ATP11B: variants seen among roughly 807,000 people sequenced by gnomAD.
ATP11B encodes ATPase phospholipid transporting 11B (putative), also known as phospholipid-transporting ATPase IF.
ATP11B carries 81 observed loss-of-function variants against 157.8 expected under a neutral mutation model. That is an observed-to-expected ratio of 0.51 (90% CI 0.43 to 0.62). The LOEUF (loss-of-function observed/expected upper bound fraction) is 0.62. Among genes scored for constraint, ATP11B ranks in the 20% least tolerant of loss-of-function variants. ATP11B has a pLI of 0.00. For missense variants in ATP11B, 1,165 were observed against 1,402.2 expected, an observed-to-expected ratio of 0.83 and a Z score of 2.70; for synonymous variants, 451 against 469.4, an observed-to-expected ratio of 0.96 and a Z score of 0.51.
At chr3:182,799,217 T>G (rs1576940274) in intron 1 of ATP11B, among the ~76,000 whole-genome samples, 1 of 152,238 alleles carries the variant, frequency 6.6e-6, no homozygotes, top group African/African-American at 2.4e-5. Flanking sequence ...GTTCTAGATT[T>G]AGCCATGCTG....
chr3:182,896,479 GATA>G (rs1332377931), intron 25 of ATP11B, among the ~76,000 whole-genome samples: 2 of 152,166 alleles, frequency 1.3e-5, no homozygotes, highest in Admixed American at 6.5e-5. Context: ...GTTCCAGTCT[GATA>G]ATGATATCTA....
At chr3:182,848,646 A>G (rs934508960) in intron 10 of ATP11B, 89 bp downstream of exon 10, 9 of 522,072 alleles carry the variant, frequency 1.7e-5, no homozygotes, top group Non-Finnish European at 2.2e-5. Context: ...TATAATATAT[A>G]TTAAGTAAAC....
At chr3:182,845,009 T>TTTTTTTTTTTTTTTTA (rs1560081876) in intron 8 of ATP11B, among the ~76,000 whole-genome samples, 44 of 112,084 alleles carry the variant, frequency 3.9e-4, no homozygotes, top group Non-Finnish European at 6.8e-4. Flanking sequence ...TTTTTTTATT[T>TTTTTTTTTTTTTTTTA]TTTTTTATTT....
In ATP11B at chr3:182,919,749, C is replaced by CTAT. The variant is rs1199628137; in HGVS notation, c.*1650_*1652dup. On this transcript the variant is annotated 3_prime_UTR_variant, in exon 30 of 30. Coordinates refer to ENST00000323116, the MANE Select transcript of ATP11B (RefSeq NM_014616.3). Reference sequence around the variant, plus strand: ...GACTTTATCCTTGTTTGCTTGTAAACTATTATTTTCTTGCTAATGTAACAT... The same window carrying CTAT: ...GACTTTATCCTTGTTTGCTTGTAAACTATTATTATTTTCTTGCTAATGTAACAT... 9.9e-5 allele frequency: 15 copies of CTAT among 152,240 alleles called. No homozygotes were observed. Among genetic ancestry groups the CTAT allele is most frequent in the African/African-American group, 3.4e-4 (14 of 41,548 alleles). The allele number at this position is 152,240 out of a possible 1,614,324, so 9.4% of individuals were successfully genotyped here.
intron 1 of ATP11B, among the ~76,000 whole-genome samples, chr3:182,819,220 C>T (rs1014422732): frequency 4.6e-5 from 7 of 151,904 alleles, no homozygotes; most frequent in Admixed American, 4.6e-4. Flanking sequence ...AGGCGCCCGC[C>T]ACCACGCCCG....
In ATP11B at chr3:182,872,383, T is replaced by C. The variant is rs1343807723; in HGVS notation, c.1894T>C (p.Tyr632His). The C allele has an allele frequency of 6.2e-7, 1 of 1,612,468 alleles. No individual in the cohort carries two copies. The highest frequency in any genetic ancestry group is 1.7e-5 in the Admixed American group (1 of 59,760). The change falls in exon 18 of 30, where the codon TAT becomes CAT. Residue 632 changes from tyrosine (Y) to histidine (H), a missense_variant. Coordinates refer to ENST00000323116, the MANE Select transcript of ATP11B (RefSeq NM_014616.3). The stretch of plus-strand genomic sequence containing the variant: ...AGGGCTAAGAACTCTGTGTATAGCA[T>C]ATAGAAAATTTACATCAAAAGAGTA... The part of the protein sequence containing the change: ...LKGLRTLCIA[Y>H]RKFTSKEYEE...
chr3:182,917,164 C>T lies in ATP11B; in HGVS notation c.3453-859C>T. The T allele has an allele frequency of 6.1e-6, 6 of 985,266 alleles. No individual in the cohort carries two copies. The South Asian group carries it at 2.8e-4, about 46-fold the overall frequency. The allele number at this position is 985,266 out of a possible 1,614,324, so 61.0% of individuals were successfully genotyped here. A position where few individuals can be genotyped will look rare whatever the true frequency, so the allele number is the denominator to read the frequency against. On this transcript the variant is annotated intron_variant, in intron 29 of 29. Coordinates refer to ENST00000323116, the MANE Select transcript of ATP11B (RefSeq NM_014616.3). ...GGGCCTTTTTTAACGCTCATCTCTT[C>T]CTGTAACATCTCTGTTTAGGGAAGG...
At position 182,921,409 on chromosome 3, in the gene ATP11B, T is replaced by A. The variant is rs903766220; in HGVS notation, c.*3305T>A. The A allele has an allele frequency of 2.0e-5, 3 of 152,210 alleles. No individual in the cohort carries two copies. Among genetic ancestry groups the A allele is most frequent in the Non-Finnish European group, 4.4e-5 (3 of 68,040 alleles). 9.4% of individuals were successfully genotyped at this position (152,210 alleles called of 1,614,324 possible). ...AAATAGATCATAACTCATGATATGT[T>A]TGTAATCATGGTAATTTAGATTTTT... On this transcript the variant is annotated 3_prime_UTR_variant, in exon 30 of 30. Coordinates refer to ENST00000323116, the MANE Select transcript of ATP11B (RefSeq NM_014616.3).
chr3:182,892,240 C>T (rs541028210), intron 25 of ATP11B, among the ~76,000 whole-genome samples: 2 of 152,270 alleles, frequency 1.3e-5, no homozygotes, highest in Non-Finnish European at 2.9e-5. Context: ...CAGTTGAGCC[C>T]ACAGACGCCT....
intron 2 of ATP11B, among the ~76,000 whole-genome samples, chr3:182,822,473 T>G (rs1717426921): frequency 6.6e-6 from 1 of 152,240 alleles, no homozygotes; most frequent in Admixed American, 6.5e-5. Flanking sequence ...CTGCATAGTA[T>G]TCCATGGTGT....
intron 6 of ATP11B, chr3:182,836,740 T>G: frequency 2.1e-6 from 1 of 487,428 alleles, no homozygotes; most frequent in East Asian, 3.2e-5. Context: ...TTTTAAAAGA[T>G]AAGGGACAAA....
intron 1 of ATP11B, among the ~76,000 whole-genome samples, chr3:182,794,632 G>C (rs145776563): frequency 6.6e-6 from 1 of 152,124 alleles, no homozygotes; most frequent in Non-Finnish European, 1.5e-5. Context: ...GTCATTTAAG[G>C]CCTATAAAAA....
chr3:182,834,515 C>T (rs1356885139), intron 4 of ATP11B, among the ~76,000 whole-genome samples: 1 of 152,138 alleles, frequency 6.6e-6, no homozygotes, highest in Non-Finnish European at 1.5e-5. Flanking sequence ...CATTTTTTTT[C>T]ACAAATGGTA....
intron 12 of ATP11B, among the ~76,000 whole-genome samples, chr3:182,864,610 C>T (rs993122334): frequency 6.6e-6 from 1 of 151,980 alleles, no homozygotes; most frequent in African/African-American, 2.4e-5. Context: ...TGGGATAAAT[C>T]CCACATATTT....
chr3:182,920,644 G>A lies in ATP11B; in HGVS notation c.*2540G>A, dbSNP rs546485812. Reference sequence around the variant, plus strand: ...CCTTTGCCTCGTCTGAGGGCTGTAAGCCTGAAGATAGTGGCAAGCACCAAG... The same window carrying A: ...CCTTTGCCTCGTCTGAGGGCTGTAAACCTGAAGATAGTGGCAAGCACCAAG... On this transcript the variant is annotated 3_prime_UTR_variant, in exon 30 of 30. Transcript: ENST00000323116. 6.6e-6 allele frequency: 1 copy of A among 152,352 alleles called. No individual in the cohort carries two copies. The highest frequency in any genetic ancestry group is 1.9e-4 in the East Asian group (1 of 5,190). The allele number at this position is 152,352 out of a possible 1,614,324, so 9.4% of individuals were successfully genotyped here. A position where few individuals can be genotyped will look rare whatever the true frequency, so the allele number is the denominator to read the frequency against.
At chr3:182,811,636 A>G (rs764220750) in intron 1 of ATP11B, among the ~76,000 whole-genome samples, 1 of 152,232 alleles carries the variant, frequency 6.6e-6, no homozygotes, top group Non-Finnish European at 1.5e-5. Flanking sequence ...GAGAATAGCA[A>G]CCAATCGGAA....
intron 17 of ATP11B, among the ~76,000 whole-genome samples, chr3:182,870,764 G>A (rs1486744953): frequency 1.3e-5 from 2 of 150,548 alleles, no homozygotes; most frequent in East Asian, 2.0e-4. Flanking sequence ...ACGAGGTCAG[G>A]AGATTGAGAC....
At chr3:182,894,312 C>T (rs1423078473) in intron 25 of ATP11B, among the ~76,000 whole-genome samples, 1 of 152,126 alleles carries the variant, frequency 6.6e-6, no homozygotes, top group Non-Finnish European at 1.5e-5. Flanking sequence ...TCAGCCTCCC[C>T]AGTAGCTGGG....
chr3:182,845,434 A>T, intron 8 of ATP11B, 24 bp from the exon 9 acceptor site: 4 of 1,581,326 alleles, frequency 2.5e-6, no homozygotes, highest in Non-Finnish European at 2.6e-6. Context: ...TCAGTGCTTT[A>T]TGGTTATTTT....
Sources: allele counts gnomAD v4.1 joint callset (sites outside exome capture counted in the v4.1 genomes callset), GRCh38; gene constraint gnomAD v4.1.1; transcripts MANE v1.5; gene names NCBI Gene and HGNC (gene_info 2026-07-23, HGNC 2026-07-21).